DGKB: variants seen among roughly 807,000 people sequenced by gnomAD.
DGKB encodes diacylglycerol kinase beta.
In DGKB, 67 loss-of-function variants were observed where a neutral mutation model predicts 114.3. The observed-to-expected ratio is 0.59, with a 90% CI of 0.48 to 0.72. The LOEUF (loss-of-function observed/expected upper bound fraction) is 0.72, where lower values mean the gene tolerates loss of function less well. DGKB is among the 30% of genes least tolerant of loss of function. DGKB has a pLI of 0.00. For missense variants in DGKB, 907 were observed against 975.2 expected (o/e 0.93, Z 0.93); for synonymous variants, 398 against 323.1 (o/e 1.23, Z -2.49).
intron 23 of DGKB, among the ~76,000 whole-genome samples, chr7:14,323,425 T>C (rs1808172954): frequency 6.6e-6 from 1 of 152,204 alleles, no homozygotes; most frequent in Non-Finnish European, 1.5e-5. Context: ...TTGTAGTTTA[T>C]GACAGCGTTC....
chr7:14,252,088 C>A (rs1357557100), intron 23 of DGKB, among the ~76,000 whole-genome samples: 1 of 151,948 alleles, frequency 6.6e-6, no homozygotes, highest in Admixed American at 6.6e-5. Flanking sequence ...AGCTTTTTGC[C>A]CTTTCTCTTG....
intron 1 of DGKB, among the ~76,000 whole-genome samples, chr7:14,920,829 G>T (rs144212921): frequency 4.7e-4 from 71 of 151,958 alleles, no homozygotes; most frequent in Middle Eastern, 6.8e-3. Context: ...AGGGAAATGA[G>T]CTATGAAGCC....
intron 4 of DGKB, among the ~76,000 whole-genome samples, chr7:14,737,801 T>C (rs1831958035): frequency 6.6e-6 from 1 of 151,518 alleles, no homozygotes; most frequent in African/African-American, 2.4e-5. Context: ...CACCATAGAA[T>C]ATTGTCAATT....
In DGKB at chr7:14,597,932, A is replaced by T. The variant is rs541406859; in HGVS notation, c.1433+9502T>A. ...GGATGTGATTATAATTTATGTGAGC[A>T]ATCAATTTAAAGCACAATCTTTTTT... On this transcript the variant is annotated intron_variant, in intron 17 of 25. Coordinates refer to ENST00000402815, the MANE Select transcript of DGKB (RefSeq NM_001350709.2). Among the ~76,000 whole-genome samples, 4 of 152,262 alleles carry T rather than the reference A, an allele frequency of 2.6e-5. No individual in the cohort carries two copies. The East Asian group carries it at 7.7e-4, about 29-fold the overall frequency.
At chr7:14,561,104 T>C (rs1563514327) in intron 20 of DGKB, among the ~76,000 whole-genome samples, 1 of 152,146 alleles carries the variant, frequency 6.6e-6, no homozygotes, top group Non-Finnish European at 1.5e-5. Context: ...CCACATGTCA[T>C]TGGAGGGACC....
intron 14 of DGKB, among the ~76,000 whole-genome samples, chr7:14,624,439 C>A (rs1357493957): frequency 6.6e-6 from 1 of 152,138 alleles, no homozygotes; most frequent in African/African-American, 2.4e-5. Flanking sequence ...TACAATGGAA[C>A]TGGGAATTTG....
intron 23 of DGKB, among the ~76,000 whole-genome samples, chr7:14,299,548 C>A (rs568594826): frequency 6.6e-6 from 1 of 152,070 alleles, no homozygotes; most frequent in Non-Finnish European, 1.5e-5. Flanking sequence ...TCATGCAGAC[C>A]AACAAGAACA....
At chr7:14,932,216 T>C (rs1465653735) in intron 1 of DGKB, among the ~76,000 whole-genome samples, 1 of 152,296 alleles carries the variant, frequency 6.6e-6, no homozygotes, top group East Asian at 1.9e-4. Context: ...CTCTCTCTCC[T>C]GTGGTGGGGA....
intron 21 of DGKB, among the ~76,000 whole-genome samples, chr7:14,404,592 A>G (rs1823640769): frequency 6.6e-6 from 1 of 151,912 alleles, no homozygotes; most frequent in Admixed American, 6.6e-5. Context: ...ATCTAAGCCT[A>G]ATTATGGAAA....
chr7:14,579,758 C>G (rs188083759), intron 19 of DGKB, among the ~76,000 whole-genome samples: 3 of 151,820 alleles, frequency 2.0e-5, no homozygotes, highest in South Asian at 2.1e-4. Context: ...CCAACTTTGC[C>G]GTAAATCAGA....
intron 13 of DGKB, among the ~76,000 whole-genome samples, chr7:14,663,201 T>G: frequency 6.6e-6 from 1 of 152,044 alleles, no homozygotes; most frequent in Admixed American, 6.6e-5. Flanking sequence ...ACAATTTGGC[T>G]GAATCTTAAC....
chr7:14,606,299 C>T (rs1804495991), intron 17 of DGKB, among the ~76,000 whole-genome samples: 2 of 152,042 alleles, frequency 1.3e-5, no homozygotes, highest in African/African-American at 4.8e-5. Flanking sequence ...TTGACAAAGA[C>T]ATTGTTCTGA....
chr7:14,636,498 T>C (rs537002236), intron 13 of DGKB, among the ~76,000 whole-genome samples: 16 of 151,978 alleles, frequency 1.1e-4, no homozygotes, highest in African/African-American at 3.6e-4. Flanking sequence ...TAAATCCTTT[T>C]AGCCGAAATA....
At chr7:14,943,286 CAATT>C (rs1785676493) in intron 1 of DGKB, among the ~76,000 whole-genome samples, 1 of 151,730 alleles carries the variant, frequency 6.6e-6, no homozygotes, top group East Asian at 1.9e-4. Context: ...TCATATACAT[CAATT>C]AATTTCTTTC....
intron 23 of DGKB, among the ~76,000 whole-genome samples, chr7:14,179,876 C>G (rs1236574964): frequency 6.6e-6 from 1 of 152,080 alleles, no homozygotes; most frequent in Admixed American, 6.5e-5. Flanking sequence ...GTTCTAAACC[C>G]CATTTAGACT....
At chr7:14,646,973 T>C (rs1051658257) in intron 13 of DGKB, among the ~76,000 whole-genome samples, 1 of 150,726 alleles carries the variant, frequency 6.6e-6, no homozygotes. Context: ...ATAATAAAGA[T>C]CAAAGCAGAA....
chr7:14,466,390 T>C (rs1780477378), intron 21 of DGKB, among the ~76,000 whole-genome samples: 1 of 152,124 alleles, frequency 6.6e-6, no homozygotes, highest in African/African-American at 2.4e-5. Flanking sequence ...AACCCTGTCC[T>C]GTTAAAAATG....
intron 1 of DGKB, among the ~76,000 whole-genome samples, chr7:14,943,643 C>T (rs1364053489): frequency 1.3e-5 from 2 of 151,824 alleles, no homozygotes; most frequent in Non-Finnish European, 2.9e-5. Context: ...GTGAAACACA[C>T]ACACACATAT....
At chr7:14,292,533 T>G (rs2128474179) in intron 23 of DGKB, among the ~76,000 whole-genome samples, 1 of 152,346 alleles carries the variant, frequency 6.6e-6, no homozygotes, top group African/African-American at 2.4e-5. Flanking sequence ...AGCAGTGTTT[T>G]TGAGCCCCCA....
Sources: allele counts gnomAD v4.1 joint callset (sites outside exome capture counted in the v4.1 genomes callset), GRCh38; gene constraint gnomAD v4.1.1; transcripts MANE v1.5; gene names NCBI Gene and HGNC (gene_info 2026-07-23, HGNC 2026-07-21).